The following CMIP variants were observed in gnomAD, a reference collection of about 807,000 sequenced individuals.
The protein encoded by CMIP is C-Maf-inducing protein.
Under a neutral mutation model 97.3 loss-of-function variants are expected in CMIP, and 13 were observed. That is an observed-to-expected ratio of 0.13 (90% confidence interval 0.09 to 0.21). The LOEUF (loss-of-function observed/expected upper bound fraction) is 0.21, where lower values mean the gene tolerates loss of function less well. Among genes scored for constraint, CMIP ranks in the 10% least tolerant of loss-of-function variants. CMIP has a pLI of 1.00. For missense variants in CMIP, 847 were observed against 1,024.9 expected, an observed-to-expected ratio of 0.83 and a Z score of 2.37; for synonymous variants, 538 against 436.3, an observed-to-expected ratio of 1.23 and a Z score of -2.91.
intron 1 of CMIP, among the ~76,000 whole-genome samples, chr16:81,561,430 G>C (rs147174237): frequency 6.6e-6 from 1 of 152,220 alleles, no homozygotes; most frequent in Non-Finnish European, 1.5e-5. Context: ...GTGTGGTGGA[G>C]GGAAGGGTAG....
At chr16:81,604,785 C>A (rs2091715237) in intron 1 of CMIP, among the ~76,000 whole-genome samples, 2 of 152,216 alleles carry the variant, frequency 1.3e-5, no homozygotes, top group South Asian at 4.1e-4. Context: ...CAGATCAAAG[C>A]CACGTTAAGA....
intron 1 of CMIP, among the ~76,000 whole-genome samples, chr16:81,556,403 G>A (rs2090764547): frequency 6.6e-6 from 1 of 152,178 alleles, no homozygotes; most frequent in South Asian, 2.1e-4. Context: ...ATAGCTAGGA[G>A]TAAAATTGAT....
intron 1 of CMIP, among the ~76,000 whole-genome samples, chr16:81,489,929 T>G (rs2089379127): frequency 6.6e-6 from 1 of 152,246 alleles, no homozygotes; most frequent in African/African-American, 2.4e-5. Flanking sequence ...CAGTTTCTGC[T>G]GCAGAAAGAC....
chr16:81,647,841 C>G (rs1224660088), intron 3 of CMIP, among the ~76,000 whole-genome samples: 5 of 152,178 alleles, frequency 3.3e-5, no homozygotes, highest in African/African-American at 1.2e-4. Context: ...CCACCCTGAC[C>G]TGGGGCTCAG....
chr16:81,458,403 C>T (rs1906693514), intron 1 of CMIP, among the ~76,000 whole-genome samples: 1 of 152,158 alleles, frequency 6.6e-6, no homozygotes, highest in Non-Finnish European at 1.5e-5. Flanking sequence ...TCTGTTGCCC[C>T]CAGTGGTAAG....
intron 1 of CMIP, among the ~76,000 whole-genome samples, chr16:81,551,977 G>A (rs2090667491): frequency 6.6e-6 from 1 of 152,352 alleles, no homozygotes; most frequent in East Asian, 1.9e-4. Flanking sequence ...TGTGCAGGGG[G>A]GCCCTGGCTG....
chr16:81,703,730 C>T lies in CMIP; in HGVS notation c.1945-209C>T, dbSNP rs929791734. ...TCTCCTCCGCCTGGCAGCTGTCGTC[C>T]ATGGGATGCGTGGCAGCCCCTCCCT... On this transcript the variant is annotated intron_variant, in intron 17 of 20. Transcript: ENST00000537098. The T allele has an allele frequency of 2.0e-5, 12 of 610,486 alleles. No homozygotes were observed. In the African/African-American group the frequency reaches 2.0e-4, roughly 10 times the overall value. The allele number at this position is 610,486 out of a possible 1,614,324, so 37.8% of individuals were successfully genotyped here.
intron 1 of CMIP, among the ~76,000 whole-genome samples, chr16:81,478,382 C>A (rs2927325): frequency 0.7 from 105,946 of 152,036 alleles, 37,725 homozygotes; most frequent in African/African-American, 0.85. Flanking sequence ...GTTGTAGGGC[C>A]GAGATTTTGG....
At chr16:81,702,279 A>G (rs1426682563) in intron 16 of CMIP, among the ~76,000 whole-genome samples, 3 of 152,126 alleles carry the variant, frequency 2.0e-5, no homozygotes, top group Non-Finnish European at 4.4e-5. Context: ...CTTCAGTGAG[A>G]TATGTTTGAG....
intron 5 of CMIP, 34 bp from the exon 6 acceptor site, chr16:81,660,850 C>G: frequency 6.2e-7 from 1 of 1,613,624 alleles, no homozygotes; most frequent in Non-Finnish European, 8.5e-7. Flanking sequence ...GCTATCTACC[C>G]CACGGTTCCT....
At chr16:81,692,974 C>CCTCAAAGA (rs1906270322) in intron 11 of CMIP, among the ~76,000 whole-genome samples, 184 bp from the exon 12 acceptor site, 1 of 152,160 alleles carries the variant, frequency 6.6e-6, no homozygotes, top group African/African-American at 2.4e-5. Flanking sequence ...TCTGCCGCCT[C>CCTCAAAGA]CTCAAAGAAG....
chr16:81,611,217 A>G (rs2091826456), intron 2 of CMIP: 2 of 152,230 alleles, frequency 1.3e-5, no homozygotes, highest in South Asian at 4.1e-4. Context: ...CATAAAGAAC[A>G]TTTCCATTGA....
chr16:81,625,431 C>G (rs1241452043), intron 3 of CMIP, among the ~76,000 whole-genome samples: 1 of 152,272 alleles, frequency 6.6e-6, no homozygotes, highest in Non-Finnish European at 1.5e-5. Flanking sequence ...TGGCTCATGC[C>G]CTGGCCCTCA....
chr16:81,648,148 C>T (rs2092386881), intron 3 of CMIP, among the ~76,000 whole-genome samples: 1 of 147,682 alleles, frequency 6.8e-6, no homozygotes, highest in Non-Finnish European at 1.5e-5. Context: ...CTTGACACTT[C>T]TTCAGGATCT....
In CMIP at chr16:81,710,809, CA is replaced by C; in HGVS notation, c.*1011del. 6.6e-6 allele frequency: 1 copy of C among 152,252 alleles called. No homozygotes were observed. The highest frequency in any genetic ancestry group is 1.9e-4 in the East Asian group (1 of 5,168). 9.4% of individuals were successfully genotyped at this position (152,252 alleles called of 1,614,324 possible). On this transcript the variant is annotated 3_prime_UTR_variant, in exon 21 of 21. Coordinates refer to ENST00000537098, the MANE Select transcript of CMIP (RefSeq NM_198390.3). ...GGCTGCTAACCCGCCCTCTCCAGTC[CA>C]CCCCGGTAAAAGAGCTGTTCCCCAC...
chr16:81,576,201 C>T (rs973213478), intron 1 of CMIP, among the ~76,000 whole-genome samples: 8 of 151,994 alleles, frequency 5.3e-5, no homozygotes, highest in South Asian at 4.2e-4. Context: ...GTCAGGAGTT[C>T]GAGACTACCC....
intron 1 of CMIP, among the ~76,000 whole-genome samples, chr16:81,478,280 C>T (rs887527648): frequency 1.3e-5 from 2 of 152,202 alleles, no homozygotes; most frequent in Non-Finnish European, 2.9e-5. Context: ...AAGGCTTTTA[C>T]AGGGGCAGAG....
At chr16:81,529,579 G>A (rs752532906) in intron 1 of CMIP, among the ~76,000 whole-genome samples, 7 of 152,178 alleles carry the variant, frequency 4.6e-5, no homozygotes, top group Non-Finnish European at 8.8e-5. Flanking sequence ...AGAGGATTCC[G>A]CAGAGGAGAC....
At chr16:81,497,624 T>C (rs1215384498) in intron 1 of CMIP, among the ~76,000 whole-genome samples, 1 of 152,222 alleles carries the variant, frequency 6.6e-6, no homozygotes, top group Non-Finnish European at 1.5e-5. Flanking sequence ...GCAGACTGGC[T>C]CTCCGAGGGT....
Sources: gnomAD v4.1 joint callset for allele counts (sites outside exome capture counted in the v4.1 genomes callset) on GRCh38, gnomAD v4.1.1 for gene constraint, MANE v1.5 for transcripts, NCBI Gene and HGNC (gene_info 2026-07-23, HGNC 2026-07-21) for gene names.